ZNF215: variants seen among roughly 807,000 people sequenced by gnomAD.
ZNF215 encodes the protein BWSCR2-associated zinc finger protein 2.
Under a neutral mutation model 27.2 loss-of-function variants are expected in ZNF215, and 24 were observed. That is an observed-to-expected ratio of 0.88 (90% confidence interval 0.64 to 1.24). The LOEUF (loss-of-function observed/expected upper bound fraction) is 1.24, where lower values mean the gene tolerates loss of function less well. Ranked by LOEUF, ZNF215 falls within the 50% of genes most tolerant of loss-of-function variation. The probability of loss-of-function intolerance (pLI) is 0.00; values close to 1 mark genes in which losing one functional copy is unlikely to be tolerated. For missense variants in ZNF215, 675 were observed against 605.7 expected (o/e 1.11, Z -1.20); for synonymous variants, 210 against 204.0 (o/e 1.03, Z -0.25).
At chr11:6,976,670 G>C (rs181797354) in intron 5 of ZNF215, among the ~76,000 whole-genome samples, 28 of 151,930 alleles carry the variant, frequency 1.8e-4, no homozygotes, top group Admixed American at 5.9e-4. Flanking sequence ...TTCTCACCTG[G>C]AGAGGTAACT....
At chr11:6,962,630 C>T (rs941925739), downstream of ZNF215, among the ~76,000 whole-genome samples, 8 of 152,026 alleles carry the variant, frequency 5.3e-5, no homozygotes, top group Non-Finnish European at 1.2e-4. Context: ...GGTGTCTTCA[C>T]CTTGTAATAT....
chr11:6,943,763 G>C (rs1056250476), intron 6 of ZNF215, 122 bp downstream of exon 6: 25 of 777,912 alleles, frequency 3.2e-5, no homozygotes, highest in Non-Finnish European at 4.5e-5. Context: ...TAAACTTTGA[G>C]GGGGAAAAGA....
downstream of ZNF215, among the ~76,000 whole-genome samples, chr11:6,986,117 C>T (rs1273166356): frequency 6.6e-6 from 1 of 152,106 alleles, no homozygotes. Flanking sequence ...CATTACCCAA[C>T]TTCAAACTAT....
intron 6 of ZNF215, among the ~76,000 whole-genome samples, chr11:6,951,622 G>C (rs976893459): frequency 1.2e-4 from 18 of 152,050 alleles, no homozygotes; most frequent in Non-Finnish European, 1.9e-4. Context: ...AGTCTTCTCT[G>C]TTTTCTTCTG....
chr11:6,949,489 C>T (rs1477160261), intron 6 of ZNF215, among the ~76,000 whole-genome samples: 5 of 152,300 alleles, frequency 3.3e-5, no homozygotes, highest in East Asian at 1.9e-4. Context: ...TTGCATTTCT[C>T]TGATGGCCAG....
At chr11:6,945,119 G>A (rs1164405318) in intron 6 of ZNF215, among the ~76,000 whole-genome samples, 2 of 152,074 alleles carry the variant, frequency 1.3e-5, no homozygotes, top group African/African-American at 4.8e-5. Flanking sequence ...TAATAATAGA[G>A]TATTATTATC....
Position 6,956,274 on chromosome 11 carries a change from A to C in ZNF215, c.1297A>C (p.Lys433Gln). The C allele has an allele frequency of 6.2e-7, 1 of 1,614,118 alleles. No individual in the cohort carries two copies. The highest frequency in any genetic ancestry group is 8.5e-7 in the Non-Finnish European group (1 of 1,180,006). Reference protein sequence around the residue: ...TKHQKLHAEAKACTSNKCGKA... With the variant: ...TKHQKLHAEAQACTSNKCGKA... Reference sequence around the variant, plus strand: ...GCATCAAAAACTTCATGCTGAAGCAAAGGCCTGCACAAGCAATAAATGTGG... The same window carrying C: ...GCATCAAAAACTTCATGCTGAAGCACAGGCCTGCACAAGCAATAAATGTGG... The change falls in exon 7 of 7, where the codon AAG becomes CAG. Residue 433 changes from lysine to glutamine, a missense_variant. Physicochemically the swap from Lys to Gln is moderately conservative, Grantham distance 53. Coordinates refer to ENST00000278319, the MANE Select transcript of ZNF215 (RefSeq NM_013250.4).
At chr11:6,932,784 A>C in intron 3 of ZNF215, 112 bp downstream of exon 3, 1 of 979,426 alleles carries the variant, frequency 1.0e-6, no homozygotes, top group Non-Finnish European at 1.5e-6. Flanking sequence ...AGGACTTTAT[A>C]TTACTCTATT....
At chr11:6,980,655 T>A (rs955503260) in intron 5 of ZNF215, among the ~76,000 whole-genome samples, 1 of 151,618 alleles carries the variant, frequency 6.6e-6, no homozygotes, top group South Asian at 2.1e-4. Flanking sequence ...CATGTGCACA[T>A]TGTGCAGGTT....
intron 6 of ZNF215, among the ~76,000 whole-genome samples, chr11:6,946,676 G>A (rs982627782): frequency 6.6e-6 from 1 of 152,016 alleles, no homozygotes; most frequent in Admixed American, 6.6e-5. Flanking sequence ...GTTTTTTTCA[G>A]TTGTACGCTT....
At chr11:6,973,070 C>T (rs1449845896) in intron 5 of ZNF215, among the ~76,000 whole-genome samples, 11 of 152,182 alleles carry the variant, frequency 7.2e-5, no homozygotes, top group East Asian at 1.9e-4. Flanking sequence ...CAACAGGCCC[C>T]GGTGTGTGAT....
downstream of ZNF215, among the ~76,000 whole-genome samples, chr11:6,959,166 C>T (rs1156401281): frequency 1.3e-5 from 2 of 151,336 alleles, no homozygotes; most frequent in Non-Finnish European, 2.9e-5. Context: ...GTAGATTAAC[C>T]AGATTGTGTC....
downstream of ZNF215, among the ~76,000 whole-genome samples, chr11:6,990,498 T>C (rs1851104455): frequency 1.3e-5 from 2 of 152,154 alleles, no homozygotes; most frequent in Admixed American, 1.3e-4. Context: ...CAGAAAAAAA[T>C]GGCTGCCTCC....
rs756521053 is a variant in ZNF215, at chr11:6,932,295, T to C, written c.23T>C (p.Met8Thr). 11 of 1,613,938 alleles carry C rather than the reference T, an allele frequency of 6.8e-6. No individual in the cohort carries two copies. The highest frequency in any genetic ancestry group is 9.3e-6 in the Non-Finnish European group (11 of 1,179,978). Residue 8 changes from methionine to threonine, a missense_variant, in exon 3 of 7, where the codon ATG (methionine) becomes ACG (threonine). Met to Thr is a moderately conservative substitution (Grantham distance 81). Coordinates refer to ENST00000278319, the MANE Select transcript of ZNF215 (RefSeq NM_013250.4). Reference protein sequence around the residue: MQPLSKLMAISKPRNLSL... With the variant: MQPLSKLTAISKPRNLSL... ...AAGATGCAGCCTCTGAGCAAGTTGA[T>C]GGCTATCTCAAAACCTCGAAACCTG...
At chr11:6,955,638 C>T in intron 6 of ZNF215, 52 bp from the exon 7 acceptor site, 2 of 1,516,990 alleles carry the variant, frequency 1.3e-6, no homozygotes, top group Non-Finnish European at 1.8e-6. Context: ...GCCTCCATTT[C>T]CTATTGAAGC....
intron 5 of ZNF215, 152 bp from the exon 6 acceptor site, chr11:6,943,394 A>G (rs547760154): frequency 1.7e-5 from 18 of 1,090,668 alleles, no homozygotes; most frequent in Non-Finnish European, 2.4e-5. Flanking sequence ...TCTGATATTG[A>G]GCCAGAGATA....
At chr11:6,929,456 C>T (rs1849175244) in intron 2 of ZNF215, among the ~76,000 whole-genome samples, 2 of 152,294 alleles carry the variant, frequency 1.3e-5, no homozygotes, top group African/African-American at 4.8e-5. Flanking sequence ...CAGTATACCA[C>T]ATTACATTCT....
chr11:6,960,780 C>T (rs1442646217), downstream of ZNF215, among the ~76,000 whole-genome samples: 1 of 152,144 alleles, frequency 6.6e-6, no homozygotes, highest in Non-Finnish European at 1.5e-5. Context: ...TTACCATCAT[C>T]TCCAGCCTTC....
chr11:6,950,562 TG>T (rs1435095223), intron 6 of ZNF215, among the ~76,000 whole-genome samples: 1 of 151,676 alleles, frequency 6.6e-6, no homozygotes, highest in African/African-American at 2.4e-5. Context: ...AGAATGCTTG[TG>T]ATTTTTGTAC....
Sources: gnomAD v4.1 joint callset for allele counts (sites outside exome capture counted in the v4.1 genomes callset) on GRCh38, gnomAD v4.1.1 for gene constraint, MANE v1.5 for transcripts, NCBI Gene and HGNC (gene_info 2026-07-23, HGNC 2026-07-21) for gene names.